TRIM41: variants seen among roughly 807,000 people sequenced by gnomAD.
The protein encoded by TRIM41 is tripartite motif containing 41.
A neutral mutation model predicts 60.6 loss-of-function variants in TRIM41; 21 were observed. The ratio of observed to expected loss-of-function variants is 0.35; its 90% CI spans 0.25 to 0.50. The LOEUF (loss-of-function observed/expected upper bound fraction) is 0.50, where lower values mean the gene tolerates loss of function less well. Ranked by LOEUF, TRIM41 falls within the 20% of genes least tolerant of loss-of-function variation. The pLI is 0.98. For missense variants in TRIM41, 846 were observed against 868.3 expected, an observed-to-expected ratio of 0.97 and a Z score of 0.32; for synonymous variants, 407 against 344.9, an observed-to-expected ratio of 1.18 and a Z score of -2.00.
Position 181,233,514 on chromosome 5 carries a change from T to C in TRIM41, c.1163+79T>C. The C allele has an allele frequency of 6.2e-7, 1 of 1,612,598 alleles. No homozygotes were observed. Among genetic ancestry groups the C allele is most frequent in the East Asian group, 2.2e-5 (1 of 44,874 alleles). The stretch of plus-strand genomic sequence containing the variant: ...CTGCTTCTCTTCGGTATCCCTCTCC[T>C]CTCCTTCCTTCCCCAGGACCTGAGT... On this transcript the variant is annotated intron_variant, in intron 4 of 5. Coordinates refer to ENST00000315073, the MANE Select transcript of TRIM41 (RefSeq NM_033549.5). This position sits in a 1 kb window ranked among gnomAD's most constrained non-coding sequence, Gnocchi z 4.1.
At position 181,234,883 on chromosome 5, in the gene TRIM41, T is replaced by G. The variant is rs748199903; in HGVS notation, c.*108T>G. On this transcript the variant is annotated 3_prime_UTR_variant, in exon 6 of 6. Coordinates refer to ENST00000315073, the MANE Select transcript of TRIM41 (RefSeq NM_033549.5). The surrounding 1 kb of genome is among the most constrained non-coding windows in gnomAD (Gnocchi z 5.6). Reference sequence around the variant, plus strand: ...AGGCTCTTCCCACTGCTTGTTACTGTGTTGCTTCCCACTCCCCCTTGACCC... The same window carrying G: ...AGGCTCTTCCCACTGCTTGTTACTGGGTTGCTTCCCACTCCCCCTTGACCC... 5 of 1,611,824 alleles carry G rather than the reference T, an allele frequency of 3.1e-6. No homozygotes were observed. The highest frequency in any genetic ancestry group is 4.2e-6 in the Non-Finnish European group (5 of 1,179,732).
At position 181,234,154 on chromosome 5, in the gene TRIM41, T is replaced by TGTCC; in HGVS notation, c.1292-19_1292-16dup. On this transcript the variant is annotated intron_variant, in intron 5 of 5. Coordinates refer to ENST00000315073, the MANE Select transcript of TRIM41 (RefSeq NM_033549.5). The surrounding 1 kb of genome is among the most constrained non-coding windows in gnomAD (Gnocchi z 5.6). ...ACAGCCGTTCCAGCCCTGGCGTATT[T>TGTCC]GTCCTCCCTCCCTCCCAAGTGGACC... 2 of 1,606,028 alleles carry TGTCC rather than the reference T, an allele frequency of 1.2e-6. No individual in the cohort carries two copies. Among genetic ancestry groups the TGTCC allele is most frequent in the Non-Finnish European group, 1.7e-6 (2 of 1,179,884 alleles).
At chr5:181,230,980 G>C (rs1758773712) in intron 2 of TRIM41, 141 bp downstream of exon 2, 2 of 690,188 alleles carry the variant, frequency 2.9e-6, no homozygotes, top group Non-Finnish European at 5.2e-6. Flanking sequence ...GCTTTCCCTA[G>C]GTGCTGAGGA....
chr5:181,233,890 C>A lies in TRIM41; in HGVS notation c.1291+127C>A. The A allele has an allele frequency of 6.8e-7, 1 of 1,468,496 alleles. No homozygotes were observed. Among genetic ancestry groups the A allele is most frequent in the Non-Finnish European group, 9.3e-7 (1 of 1,071,656 alleles). The allele number at this position is 1,468,496 out of a possible 1,614,324, so 91.0% of individuals were successfully genotyped here. On this transcript the variant is annotated intron_variant, in intron 5 of 5. Coordinates refer to ENST00000315073, the MANE Select transcript of TRIM41 (RefSeq NM_033549.5). The surrounding 1 kb of genome is among the most constrained non-coding windows in gnomAD (Gnocchi z 4.1). ...ATGGAGCAGGATCCAGGCAGCCACTCTGAGGTTGAGGTTTCAAGCCATGAG... is the reference window on the plus strand; with the variant it reads ...ATGGAGCAGGATCCAGGCAGCCACTATGAGGTTGAGGTTTCAAGCCATGAG...
Position 181,224,490 on chromosome 5 carries a change from A to T in TRIM41, c.491A>T (p.Asp164Val). The change falls in exon 1 of 6, where the codon GAT (aspartate) becomes GTT (valine). Residue 164 changes from aspartate to valine, a missense_variant. Physicochemically the swap from Asp to Val is radical, Grantham distance 152 (BLOSUM62 -3). Coordinates refer to ENST00000315073, the MANE Select transcript of TRIM41 (RefSeq NM_033549.5). ...EEVLEEVEEE[D>V]LDPVTPLPPP... ...GTGCTGGAGGAGGTTGAGGAAGAGG[A>T]TCTAGACCCCGTCACCCCACTGCCC... 1 of 1,613,046 alleles carries T rather than the reference A, an allele frequency of 6.2e-7. No homozygotes were observed. Among genetic ancestry groups the T allele is most frequent in the South Asian group, 1.1e-5 (1 of 91,004 alleles).
Position 181,224,191 on chromosome 5 carries a change from G to A in TRIM41, c.192G>A (p.Glu64=), listed in dbSNP as rs779543758. The A allele has an allele frequency of 4.3e-6, 7 of 1,614,130 alleles. No individual in the cohort carries two copies. Among genetic ancestry groups the A allele is most frequent in the Non-Finnish European group, 5.9e-6 (7 of 1,179,984 alleles). Residue 64 remains glutamate (E), a synonymous_variant, in exon 1 of 6, where the codon GAG becomes GAA. Coordinates refer to ENST00000315073, the MANE Select transcript of TRIM41 (RefSeq NM_033549.5). ...GAGATGAGTTAGATCGGGAGGAGGA[G>A]GAGGAGGACGGAGAGGAGGAGGAAG... is the stretch of plus-strand genomic sequence containing the variant. ...EDRDELDREE[E]EEDGEEEEVE...
Position 181,223,907 on chromosome 5 carries a change from G to A in TRIM41, c.-93G>A. ...GGGCGAGGTGTGGAGGGGCAGGGCT[G>A]GGGGTGGAGCCGGGTCGCCAGGGCG... On this transcript the variant is annotated 5_prime_UTR_variant, in exon 1 of 6. Transcript: ENST00000315073. 1 of 1,346,258 alleles carries A rather than the reference G, an allele frequency of 7.4e-7. No individual in the cohort carries two copies. Among genetic ancestry groups the A allele is most frequent in the Non-Finnish European group, 1.0e-6 (1 of 983,422 alleles). The allele number at this position is 1,346,258 out of a possible 1,614,324, so 83.4% of individuals were successfully genotyped here. A position where few individuals can be genotyped will look rare whatever the true frequency, so the allele number is the denominator to read the frequency against.
Position 181,224,067 on chromosome 5 carries a change from G to T in TRIM41, c.68G>T (p.Cys23Phe). 6.2e-7 allele frequency: 1 copy of T among 1,614,258 alleles called. No homozygotes were observed. The highest frequency in any genetic ancestry group is 8.5e-7 in the Non-Finnish European group (1 of 1,180,054). Residue 23 changes from cysteine (C) to phenylalanine (F), a missense_variant, in exon 1 of 6, where the codon TGC becomes TTC. Physicochemically the swap from Cys to Phe is radical, Grantham distance 205. Transcript: ENST00000315073. ...CAGGAGGAGGCGGTGTGCGCCATCT[G>T]CCTCGATTACTTCACGGACCCCGTG... ...TLQEEAVCAI[C>F]LDYFTDPVSI...
intron 1 of TRIM41, chr5:181,227,083 G>A (rs1758583597): frequency 6.6e-6 from 1 of 151,948 alleles, no homozygotes; most frequent in African/African-American, 2.4e-5. Context: ...ATGTTGGTCA[G>A]ACTGATCTCG....
chr5:181,225,047 A>T, intron 1 of TRIM41: 5 of 595,188 alleles, frequency 8.4e-6, no homozygotes, highest in South Asian at 8.1e-5. Flanking sequence ...CAAAGCAAAT[A>T]GAGCAAAGCC....
In TRIM41 at chr5:181,233,869, A is replaced by G. The variant is rs556186872; in HGVS notation, c.1291+106A>G. 6.6e-7 allele frequency: 1 copy of G among 1,526,150 alleles called. No homozygotes were observed. The highest frequency in any genetic ancestry group is 2.3e-5 in the East Asian group (1 of 43,342). 94.5% of individuals were successfully genotyped at this position (1,526,150 alleles called of 1,614,324 possible). ...AGGGAAACTGTGGGGCTTGAGATGGAGCAGGATCCAGGCAGCCACTCTGAG... is the reference window on the plus strand; with the variant it reads ...AGGGAAACTGTGGGGCTTGAGATGGGGCAGGATCCAGGCAGCCACTCTGAG... On this transcript the variant is annotated intron_variant, in intron 5 of 5. Transcript: ENST00000315073. The surrounding 1 kb of genome is among the most constrained non-coding windows in gnomAD (Gnocchi z 4.1).
chr5:181,230,911 A>C, intron 2 of TRIM41, 72 bp downstream of exon 2: 63 of 1,357,904 alleles, frequency 4.6e-5, no homozygotes, highest in Non-Finnish European at 5.8e-5. Context: ...TCCCACTCTC[A>C]CAGGGAGTGA....
chr5:181,234,014 G>T lies in TRIM41; in HGVS notation c.1292-160G>T. 1 of 1,335,394 alleles carries T rather than the reference G, an allele frequency of 7.5e-7. No homozygotes were observed. The highest frequency in any genetic ancestry group is 1.3e-5 in the South Asian group (1 of 76,348). 82.7% of individuals were successfully genotyped at this position (1,335,394 alleles called of 1,614,324 possible). On this transcript the variant is annotated intron_variant, in intron 5 of 5. Coordinates refer to ENST00000315073, the MANE Select transcript of TRIM41 (RefSeq NM_033549.5). This position sits in a 1 kb window ranked among gnomAD's most constrained non-coding sequence, Gnocchi z 5.6. ...GACCTGTCAGGTATCCTAGGAACAA[G>T]AGTGAGGAGCAAGATGAGCCTGCAG...
Position 181,224,035 on chromosome 5 carries a change from G to A in TRIM41, c.36G>A (p.Gln12=). 1 of 1,614,176 alleles carries A rather than the reference G, an allele frequency of 6.2e-7. No homozygotes were observed. The highest frequency in any genetic ancestry group is 1.1e-5 in the South Asian group (1 of 91,086). The stretch of plus-strand genomic sequence containing the variant: ...TTGCCATGACACCCAACCCTGTGCA[G>A]ACCCTTCAGGAGGAGGCGGTGTGCG... ...AAVAMTPNPV[Q]TLQEEAVCAI... is the part of the protein sequence containing the mutation. Residue 12 remains glutamine (Q), a synonymous_variant, in exon 1 of 6, where the codon CAG becomes CAA. Coordinates refer to ENST00000315073, the MANE Select transcript of TRIM41 (RefSeq NM_033549.5).
At chr5:181,227,840 G>A (rs1758615778) in intron 1 of TRIM41, 1 of 152,028 alleles carries the variant, frequency 6.6e-6, no homozygotes, top group Non-Finnish European at 1.5e-5. Flanking sequence ...CTAGAATGCA[G>A]TAGCATGATC....
At chr5:181,231,216 A>G in intron 2 of TRIM41, 1 of 271,476 alleles carries the variant, frequency 3.7e-6, no homozygotes, top group Non-Finnish European at 7.4e-6. Context: ...AGCCCTAAGC[A>G]TGAGGCGGAC....
chr5:181,224,574 G>A lies in TRIM41; in HGVS notation c.575G>A (p.Arg192Gln). The stretch of plus-strand genomic sequence containing the variant: ...CCTCAGTGCCGAAAGAGCTTTCCTC[G>A]GCGGAGCTTCCGCCCCAACCTGCAG... ...TCPQCRKSFP[R>Q]RSFRPNLQLA... is the part of the protein sequence containing the mutation. The change falls in exon 1 of 6, where the codon CGG becomes CAG. Residue 192 changes from arginine to glutamine, a missense_variant. By Grantham distance (43) the Arg-to-Gln change is conservative. Coordinates refer to ENST00000315073, the MANE Select transcript of TRIM41 (RefSeq NM_033549.5). 3 of 1,614,072 alleles carry A rather than the reference G, an allele frequency of 1.9e-6. No individual in the cohort carries two copies. Among genetic ancestry groups the A allele is most frequent in the East Asian group, 2.2e-5 (1 of 44,876 alleles).
Position 181,224,222 on chromosome 5 carries a change from G to A in TRIM41, c.223G>A (p.Ala75Thr). ...GGACGGAGAGGAGGAGGAAGTGGAG[G>A]CTGTGGGGGCTGGCGCGGGGTGGGA... is the stretch of plus-strand genomic sequence containing the variant. ...EEDGEEEEVE[A>T]VGAGAGWDTP... Residue 75 changes from alanine to threonine, a missense_variant, in exon 1 of 6, where the codon GCT becomes ACT. Coordinates refer to ENST00000315073, the MANE Select transcript of TRIM41 (RefSeq NM_033549.5). The A allele has an allele frequency of 1.2e-6, 2 of 1,613,626 alleles. No individual in the cohort carries two copies. Among genetic ancestry groups the A allele is most frequent in the South Asian group, 1.1e-5 (1 of 91,048 alleles).
In TRIM41 at chr5:181,234,407, C is replaced by T. The variant is rs765334470; in HGVS notation, c.1525C>T (p.His509Tyr). The T allele has an allele frequency of 1.4e-5, 22 of 1,567,024 alleles. No individual in the cohort carries two copies. Among genetic ancestry groups the T allele is most frequent in the Admixed American group, 1.9e-5 (1 of 52,702 alleles). The change falls in exon 6 of 6, where the codon CAT becomes TAT. Residue 509 changes from histidine (H) to tyrosine (Y), a missense_variant. His to Tyr is a moderately conservative substitution (Grantham distance 83). Coordinates refer to ENST00000315073, the MANE Select transcript of TRIM41 (RefSeq NM_033549.5). The surrounding 1 kb of genome is among the most constrained non-coding windows in gnomAD (Gnocchi z 5.6). ...AVGAARESTH[H>Y]KEKVGPGGSS... is the part of the protein sequence containing the mutation. ...GGGTGCTGCCCGTGAATCAACCCAT[C>T]ATAAGGAAAAGGTGGGCCCTGGGGG...
Sources: allele counts gnomAD v4.1 joint callset, GRCh38; gene constraint gnomAD v4.1.1; non-coding constraint Gnocchi (gnomAD v3.1); transcripts MANE v1.5; gene names NCBI Gene and HGNC (gene_info 2026-07-23, HGNC 2026-07-21).